The following TBL1XR1 variants were observed in gnomAD, a reference collection of about 807,000 sequenced individuals.
TBL1XR1 encodes TBL1X/Y related 1.
A neutral mutation model predicts 66.9 loss-of-function variants in TBL1XR1; 5 were observed. That is an observed-to-expected ratio of 0.07 (90% CI 0.04 to 0.16). The LOEUF is 0.16. Ranked by LOEUF, TBL1XR1 falls within the 10% of genes least tolerant of loss-of-function variation. The pLI is 1.00. For missense variants in TBL1XR1, 238 were observed against 623.2 expected, an observed-to-expected ratio of 0.38 and a Z score of 6.58; for synonymous variants, 210 against 206.0, an observed-to-expected ratio of 1.02 and a Z score of -0.17.
At chr3:177,082,242 G>A (rs1224570708) in intron 2 of TBL1XR1, among the ~76,000 whole-genome samples, 1 of 152,058 alleles carries the variant, frequency 6.6e-6, no homozygotes, top group Non-Finnish European at 1.5e-5. Flanking sequence ...TATATTTGGA[G>A]TGATAAAAAG....
At position 177,022,358 on chromosome 3, in the gene TBL1XR1, A is replaced by G. The variant is rs1283770841; in HGVS notation, c.*3140T>C. 6 of 152,530 alleles carry G rather than the reference A, an allele frequency of 3.9e-5. No individual in the cohort carries two copies. The highest frequency in any genetic ancestry group is 1.4e-4 in the African/African-American group (6 of 41,452). The allele number at this position is 152,530 out of a possible 1,614,324, so 9.4% of individuals were successfully genotyped here. A position where few individuals can be genotyped will look rare whatever the true frequency, so the allele number is the denominator to read the frequency against. On this transcript the variant is annotated 3_prime_UTR_variant, in exon 16 of 16. Coordinates refer to ENST00000457928, the MANE Select transcript of TBL1XR1 (RefSeq NM_024665.7). ...ATTAAAACAGAATTCAATACAATCT[A>G]GTATCTATTAGGAAATTAAGAGTTA...
At chr3:177,134,572 G>C (rs943699229) in intron 1 of TBL1XR1, among the ~76,000 whole-genome samples, 4 of 152,150 alleles carry the variant, frequency 2.6e-5, no homozygotes, top group Admixed American at 2.6e-4. Flanking sequence ...GAAACACTTG[G>C]CTTTGCAGCT....
intron 1 of TBL1XR1, among the ~76,000 whole-genome samples, chr3:177,107,073 T>G (rs1724977570): frequency 6.6e-6 from 1 of 152,166 alleles, no homozygotes; most frequent in East Asian, 1.9e-4. Flanking sequence ...CAGCTTCAAT[T>G]TTTACTTTGT....
At chr3:177,174,536 C>T (rs1560263378) in intron 1 of TBL1XR1, among the ~76,000 whole-genome samples, 1 of 151,912 alleles carries the variant, frequency 6.6e-6, no homozygotes, top group South Asian at 2.1e-4. Flanking sequence ...AAATTAATTC[C>T]CCATCCCAAC....
At chr3:177,027,466 A>G (rs1010561002) in intron 14 of TBL1XR1, 1 of 152,244 alleles carries the variant, frequency 6.6e-6, no homozygotes, top group Non-Finnish European at 1.5e-5. Flanking sequence ...ATATTCTCCT[A>G]TGAAACCAGT....
At chr3:177,179,115 CTCAAAAAAAA>C (rs1446602651) in intron 1 of TBL1XR1, among the ~76,000 whole-genome samples, 3 of 68,148 alleles carry the variant, frequency 4.4e-5, no homozygotes, top group Non-Finnish European at 5.6e-5. Flanking sequence ...GAAACTACGT[CTCAAAAAAAA>C]AAAAAAAAAA....
intron 1 of TBL1XR1, among the ~76,000 whole-genome samples, chr3:177,154,713 G>A (rs113243209): frequency 6.6e-6 from 1 of 152,018 alleles, no homozygotes; most frequent in Non-Finnish European, 1.5e-5. Flanking sequence ...TTTTTAAAAA[G>A]AAATCATATT....
chr3:177,173,879 T>A (rs1178269009), intron 1 of TBL1XR1, among the ~76,000 whole-genome samples: 1 of 152,226 alleles, frequency 6.6e-6, no homozygotes, highest in African/African-American at 2.4e-5. Context: ...TTAATATTTT[T>A]AAATTATAAT....
chr3:177,133,330 C>A (rs937911267), intron 1 of TBL1XR1, among the ~76,000 whole-genome samples: 1 of 152,056 alleles, frequency 6.6e-6, no homozygotes, highest in South Asian at 2.1e-4. Flanking sequence ...AACGAATCCA[C>A]AATCCTTGGA....
Position 177,047,568 on chromosome 3 carries a change from T to C in TBL1XR1, c.703-19A>G. ...CTTCACTCTGCCAGAGAAAAACATT[T>C]CTTTAATTATATAATCTAGATACGG... On this transcript the variant is annotated intron_variant, in intron 7 of 15. Coordinates refer to ENST00000457928, the MANE Select transcript of TBL1XR1 (RefSeq NM_024665.7). 6.2e-7 allele frequency: 1 copy of C among 1,606,708 alleles called. No homozygotes were observed. Among genetic ancestry groups the C allele is most frequent in the Non-Finnish European group, 8.5e-7 (1 of 1,174,678 alleles).
In TBL1XR1 at chr3:177,028,186, C is replaced by T. The variant is rs145469460; in HGVS notation, c.1417-1712G>A. Among the ~76,000 whole-genome samples, 4 of 152,194 alleles carry T rather than the reference C, an allele frequency of 2.6e-5. No individual in the cohort carries two copies. The East Asian group carries it at 7.7e-4, about 29-fold the overall frequency. Reference sequence around the variant, plus strand: ...ACAATTTACTCATCAAATGCTTAGGCAACTCATCATACAAGAAAGGGGAAA... The same window carrying T: ...ACAATTTACTCATCAAATGCTTAGGTAACTCATCATACAAGAAAGGGGAAA... On this transcript the variant is annotated intron_variant, in intron 14 of 15. Transcript: ENST00000457928.
chr3:177,197,666 C>A (rs1442412471), upstream of TBL1XR1, among the ~76,000 whole-genome samples: 2 of 15,740 alleles, frequency 1.3e-4, no homozygotes, highest in African/African-American at 4.7e-4. Context: ...GAGGGGCCGG[C>A]GGGGGAGGGG....
intron 1 of TBL1XR1, among the ~76,000 whole-genome samples, chr3:177,190,922 A>AAG (rs1736062817): frequency 2.0e-5 from 3 of 152,182 alleles, no homozygotes; most frequent in African/African-American, 7.2e-5. Context: ...ATAAACAGTT[A>AAG]TGGGATTTGT....
intron 1 of TBL1XR1, among the ~76,000 whole-genome samples, chr3:177,115,441 C>A (rs1726191080): frequency 1.3e-5 from 2 of 152,158 alleles, no homozygotes; most frequent in Non-Finnish European, 2.9e-5. Context: ...TAGTCATTAT[C>A]ATAGTCATAT....
intron 1 of TBL1XR1, among the ~76,000 whole-genome samples, chr3:177,182,931 A>T (rs116445472): frequency 0.022 from 3,415 of 152,298 alleles, 139 homozygotes; most frequent in African/African-American, 0.078. Context: ...TATGAGAAGC[A>T]TTCAGGGTTC....
At chr3:177,179,297 G>A (rs559532768) in intron 1 of TBL1XR1, among the ~76,000 whole-genome samples, 2 of 152,166 alleles carry the variant, frequency 1.3e-5, no homozygotes, top group African/African-American at 4.8e-5. Flanking sequence ...CTTTGAGCTC[G>A]ACTATTGTTA....
chr3:177,179,584 T>C (rs1205297406), intron 1 of TBL1XR1, among the ~76,000 whole-genome samples: 1 of 152,170 alleles, frequency 6.6e-6, no homozygotes, highest in Non-Finnish European at 1.5e-5. Flanking sequence ...GGAGTGAAGC[T>C]AAAGGTTGCA....
intron 1 of TBL1XR1, among the ~76,000 whole-genome samples, chr3:177,139,911 C>T (rs1395822548): frequency 6.6e-6 from 1 of 152,112 alleles, no homozygotes; most frequent in African/African-American, 2.4e-5. Context: ...AGAAAGCTTC[C>T]AGAACAAAAC....
intron 1 of TBL1XR1, among the ~76,000 whole-genome samples, chr3:177,164,161 T>C (rs1283010453): frequency 6.6e-6 from 1 of 152,164 alleles, no homozygotes; most frequent in Non-Finnish European, 1.5e-5. Flanking sequence ...AAAATTCTTG[T>C]TCCAGAGCTG....
Sources: allele counts gnomAD v4.1 joint callset (sites outside exome capture counted in the v4.1 genomes callset), GRCh38; gene constraint gnomAD v4.1.1; transcripts MANE v1.5; gene names NCBI Gene and HGNC (gene_info 2026-07-23, HGNC 2026-07-21).